The following SH3RF3 variants were observed in gnomAD, a reference collection of about 807,000 sequenced individuals.
SH3RF3 encodes E3 ubiquitin-protein ligase SH3RF3.
SH3RF3 carries 29 observed loss-of-function variants against 66.3 expected under a neutral mutation model. The observed-to-expected ratio is 0.44, with a 90% CI of 0.33 to 0.60. The LOEUF (loss-of-function observed/expected upper bound fraction) is 0.60, where lower values mean the gene tolerates loss of function less well. Among genes scored for constraint, SH3RF3 ranks in the 20% least tolerant of loss-of-function variants. The probability of loss-of-function intolerance (pLI) is 0.04; values close to 1 mark genes in which losing one functional copy is unlikely to be tolerated. For missense variants in SH3RF3, 1,194 were observed against 1,190.9 expected (o/e 1.00, Z -0.04); for synonymous variants, 583 against 532.0 (o/e 1.10, Z -1.32).
chr2:109,437,930 C>T (rs1417373175), intron 7 of SH3RF3, among the ~76,000 whole-genome samples: 1 of 152,128 alleles, frequency 6.6e-6, no homozygotes, highest in Admixed American at 6.5e-5. Flanking sequence ...TGACATGATG[C>T]CAAGTACCCC....
chr2:109,416,182 T>C (rs1374141289), intron 4 of SH3RF3, among the ~76,000 whole-genome samples: 2 of 152,190 alleles, frequency 1.3e-5, no homozygotes, highest in Non-Finnish European at 2.9e-5. Context: ...GACTAAGACA[T>C]TCCCTAACAA....
At chr2:109,359,156 A>G (rs923563938) in intron 2 of SH3RF3, among the ~76,000 whole-genome samples, 4 of 152,172 alleles carry the variant, frequency 2.6e-5, no homozygotes, top group Non-Finnish European at 5.9e-5. Flanking sequence ...TGCATTGCCA[A>G]TGACAGACTG....
chr2:109,208,033 C>T (rs188952238), intron 1 of SH3RF3, among the ~76,000 whole-genome samples: 21 of 152,294 alleles, frequency 1.4e-4, no homozygotes, highest in Admixed American at 1.4e-3. Flanking sequence ...CTTTAGCATG[C>T]GATTTGTTAA....
At chr2:109,298,530 C>T (rs1681381836) in intron 1 of SH3RF3, among the ~76,000 whole-genome samples, 1 of 152,092 alleles carries the variant, frequency 6.6e-6, no homozygotes, top group African/African-American at 2.4e-5. Flanking sequence ...GTGAGCCCCA[C>T]CCTGACCTTG....
rs908791945 is a variant in SH3RF3 at position 109,449,449 on chromosome 2, C to G, written c.2108C>G (p.Thr703Ser). Residue 703 changes from threonine to serine, a missense_variant, in exon 8 of 10, where the codon ACC (threonine) becomes AGC (serine). By Grantham distance (58) the Thr-to-Ser change is moderately conservative (BLOSUM62 1). Transcript: ENST00000309415. ...GGTGTTCTGTCCACATCCAGCCCCA[C>G]CAACACGGGATGCAAACTAGACGAG... is the stretch of plus-strand genomic sequence containing the variant. Reference protein sequence around the residue: ...PIGVLSTSSPTNTGCKLDEKK... With the variant: ...PIGVLSTSSPSNTGCKLDEKK... 1.2e-6 allele frequency: 2 copies of G among 1,613,894 alleles called. No individual in the cohort carries two copies. The highest frequency in any genetic ancestry group is 1.7e-6 in the Non-Finnish European group (2 of 1,179,894).
intron 4 of SH3RF3, among the ~76,000 whole-genome samples, chr2:109,402,730 A>G (rs554963218): frequency 1.3e-5 from 2 of 152,300 alleles, no homozygotes; most frequent in African/African-American, 4.8e-5. Flanking sequence ...TGAAGTGTAC[A>G]AGGCTGGTCA....
At chr2:109,218,654 G>T (rs1043182388) in intron 1 of SH3RF3, among the ~76,000 whole-genome samples, 2 of 152,178 alleles carry the variant, frequency 1.3e-5, no homozygotes, top group African/African-American at 4.8e-5. Flanking sequence ...ATAGGAGCAG[G>T]CCCTGCCGGC....
intron 1 of SH3RF3, among the ~76,000 whole-genome samples, chr2:109,146,885 T>TCCCCC (rs570589119): frequency 2.1e-4 from 3 of 14,402 alleles, no homozygotes; most frequent in African/African-American, 4.8e-4. Flanking sequence ...CTTTTTTCCC[T>TCCCCC]CCCCCCCCCC....
chr2:109,466,895 G>A (rs997378284), intron 8 of SH3RF3, among the ~76,000 whole-genome samples: 2 of 152,086 alleles, frequency 1.3e-5, no homozygotes, highest in Non-Finnish European at 2.9e-5. Context: ...ATGTGTGCAT[G>A]TGTTTGTGTA....
In SH3RF3 at chr2:109,231,333, T is replaced by C. The variant is rs182305934; in HGVS notation, c.573+101220T>C. Among the ~76,000 whole-genome samples the C allele has an allele frequency of 4.5e-3, 687 of 152,338 alleles. 5 individuals are homozygous for C. Among genetic ancestry groups the C allele is most frequent in the Non-Finnish European group, 6.0e-3 (410 of 68,018 alleles). On this transcript the variant is annotated intron_variant, in intron 1 of 9. Coordinates refer to ENST00000309415, the MANE Select transcript of SH3RF3 (RefSeq NM_001099289.3). ...TGCGATGACATTTTGACAAGTGTGT[T>C]ACAATAAAAAATAACTCCCCTGGGA...
At chr2:109,173,268 G>T (rs542564571) in intron 1 of SH3RF3, among the ~76,000 whole-genome samples, 1 of 152,252 alleles carries the variant, frequency 6.6e-6, no homozygotes, top group African/African-American at 2.4e-5. Flanking sequence ...CTCAGAACCT[G>T]GGATTGAGAT....
At chr2:109,149,262 G>GC (rs1034476408) in intron 1 of SH3RF3, among the ~76,000 whole-genome samples, 11 of 152,114 alleles carry the variant, frequency 7.2e-5, no homozygotes, top group African/African-American at 2.7e-4. Context: ...ATGTTCTATG[G>GC]CCCCCCGGGA....
chr2:109,139,109 A>G (rs1676879337), intron 1 of SH3RF3, among the ~76,000 whole-genome samples: 1 of 152,200 alleles, frequency 6.6e-6, no homozygotes, highest in Non-Finnish European at 1.5e-5. Context: ...TCTTTTATGG[A>G]TAAGCCACTG....
chr2:109,253,748 G>A (rs529262185), intron 1 of SH3RF3, among the ~76,000 whole-genome samples: 1 of 152,026 alleles, frequency 6.6e-6, no homozygotes, highest in African/African-American at 2.4e-5. Context: ...CAGGCCAAGT[G>A]GAGACCATGA....
At chr2:109,173,117 T>G (rs893439385) in intron 1 of SH3RF3, among the ~76,000 whole-genome samples, 3 of 152,256 alleles carry the variant, frequency 2.0e-5, no homozygotes, top group Admixed American at 2.0e-4. Flanking sequence ...ATGAACATCT[T>G]TTTTTAACTC....
chr2:109,192,417 A>G (rs1188168643), intron 1 of SH3RF3, among the ~76,000 whole-genome samples: 3 of 152,258 alleles, frequency 2.0e-5, no homozygotes, highest in Non-Finnish European at 4.4e-5. Flanking sequence ...CATAGAAGAC[A>G]TTAACTTCCC....
intron 8 of SH3RF3, among the ~76,000 whole-genome samples, chr2:109,466,973 G>C (rs774693887): frequency 5.9e-5 from 9 of 152,148 alleles, no homozygotes; most frequent in Non-Finnish European, 1.5e-5. Context: ...GTGTGTGTAT[G>C]TCTTCATACT....
At chr2:109,423,716 T>C (rs900196020) in intron 5 of SH3RF3, among the ~76,000 whole-genome samples, 2 of 152,160 alleles carry the variant, frequency 1.3e-5, no homozygotes, top group Admixed American at 1.3e-4. Flanking sequence ...GTGCCCAGCC[T>C]TGTGGTCAGC....
chr2:109,424,053 G>A (rs1200323181), intron 5 of SH3RF3, among the ~76,000 whole-genome samples: 1 of 152,214 alleles, frequency 6.6e-6, no homozygotes, highest in African/African-American at 2.4e-5. Context: ...CCCTGGTGGT[G>A]GCAGCACATC....
Sources: allele counts gnomAD v4.1 joint callset (sites outside exome capture counted in the v4.1 genomes callset), GRCh38; gene constraint gnomAD v4.1.1; transcripts MANE v1.5; gene names NCBI Gene and HGNC (gene_info 2026-07-23, HGNC 2026-07-21).